The following KCNIP4 variants were observed in gnomAD, a reference collection of about 807,000 sequenced individuals.
KCNIP4 encodes the protein Kv channel-interacting protein 4.
Under a neutral mutation model 34.0 loss-of-function variants are expected in KCNIP4, and 12 were observed. The observed-to-expected ratio is 0.35, with a 90% CI of 0.23 to 0.57. KCNIP4 has a LOEUF of 0.57. Ranked by LOEUF, KCNIP4 falls within the 20% of genes least tolerant of loss-of-function variation. The pLI is 0.83. For missense variants in KCNIP4, 238 were observed against 311.7 expected (o/e 0.76, Z 1.78); for synonymous variants, 124 against 102.2 (o/e 1.21, Z -1.29).
intron 1 of KCNIP4, among the ~76,000 whole-genome samples, chr4:21,659,562 T>C (rs2108987144): frequency 6.6e-6 from 1 of 152,318 alleles, no homozygotes; most frequent in East Asian, 1.9e-4. Flanking sequence ...AAATACATTT[T>C]CTAAGCCACC....
intron 1 of KCNIP4, among the ~76,000 whole-genome samples, chr4:21,004,260 C>G (rs542742776): frequency 1.3e-5 from 2 of 152,226 alleles, no homozygotes; most frequent in African/African-American, 4.8e-5. Context: ...GAGGAAGACT[C>G]AAAAGATTTT....
At chr4:21,327,505 T>G (rs1053437927) in intron 1 of KCNIP4, among the ~76,000 whole-genome samples, 10 of 152,182 alleles carry the variant, frequency 6.6e-5, no homozygotes, top group Non-Finnish European at 1.5e-4. Context: ...GGAGTTTGAT[T>G]ATTAAATGTT....
At position 20,859,164 on chromosome 4, in the gene KCNIP4, A is replaced by G. The variant is rs373464937; in HGVS notation, c.164-8497T>C. On this transcript the variant is annotated intron_variant, in intron 2 of 8. Coordinates refer to ENST00000382152, the MANE Select transcript of KCNIP4 (RefSeq NM_025221.6). ...ACAAAGCTGTGCTGATAAGAAACAC[A>G]TGGTAGAATAAGGTACGAAGTGATG... Among the ~76,000 whole-genome samples, 17 of 152,300 alleles carry G rather than the reference A, an allele frequency of 1.1e-4. No homozygotes were observed. In the South Asian group the frequency reaches 2.7e-3, roughly 24 times the overall value.
chr4:20,744,367 C>T (rs904224269), intron 5 of KCNIP4, among the ~76,000 whole-genome samples: 2 of 152,098 alleles, frequency 1.3e-5, no homozygotes, highest in African/African-American at 4.8e-5. Context: ...CCCAAATGTC[C>T]ATCAATGATA....
chr4:21,416,096 T>G (rs1724933336), intron 1 of KCNIP4, among the ~76,000 whole-genome samples: 1 of 152,222 alleles, frequency 6.6e-6, no homozygotes, highest in African/African-American at 2.4e-5. Context: ...AGCAGTTGCT[T>G]TAGCTCCACA....
chr4:21,448,699 A>C (rs1044530020), intron 1 of KCNIP4, among the ~76,000 whole-genome samples: 1 of 152,242 alleles, frequency 6.6e-6, no homozygotes, highest in Non-Finnish European at 1.5e-5. Flanking sequence ...CAGAAGGCCA[A>C]GGGTATGGAG....
intron 1 of KCNIP4, among the ~76,000 whole-genome samples, chr4:21,452,931 C>T (rs931285173): frequency 6.6e-6 from 1 of 151,960 alleles, no homozygotes; most frequent in Non-Finnish European, 1.5e-5. Context: ...TAGTAATAAA[C>T]CTGTTTCATT....
Position 20,729,633 on chromosome 4 carries a change from AGC to A in KCNIP4, c.*447_*448del. 6.6e-6 allele frequency: 1 copy of A among 152,060 alleles called. No homozygotes were observed. The highest frequency in any genetic ancestry group is 2.4e-5 in the African/African-American group (1 of 41,174). 9.4% of individuals were successfully genotyped at this position (152,060 alleles called of 1,614,324 possible). Reference sequence around the variant, plus strand: ...ATAAATGGAATTTAAATGGAATTACAGCATTCAAACATGAAAATTAATTTAAT... The same window carrying A: ...ATAAATGGAATTTAAATGGAATTACAATTCAAACATGAAAATTAATTTAAT... On this transcript the variant is annotated 3_prime_UTR_variant, in exon 9 of 9. Transcript: ENST00000382152.
chr4:21,532,135 G>A (rs1370090918), intron 1 of KCNIP4, among the ~76,000 whole-genome samples: 1 of 152,104 alleles, frequency 6.6e-6, no homozygotes, highest in East Asian at 1.9e-4. Flanking sequence ...CGCTGTGATA[G>A]AGAAAAAGGA....
chr4:20,861,349 C>T (rs1722174402), intron 2 of KCNIP4, among the ~76,000 whole-genome samples: 2 of 152,266 alleles, frequency 1.3e-5, no homozygotes, highest in South Asian at 4.2e-4. Context: ...GAGTTATTTT[C>T]AGGTGCACAT....
At chr4:21,538,174 G>T (rs1737367575) in intron 1 of KCNIP4, among the ~76,000 whole-genome samples, 1 of 152,064 alleles carries the variant, frequency 6.6e-6, no homozygotes, top group Admixed American at 6.6e-5. Flanking sequence ...AGCTAGAAGA[G>T]ATAAGAAAGG....
intron 1 of KCNIP4, among the ~76,000 whole-genome samples, chr4:20,888,256 G>T (rs981870258): frequency 6.6e-6 from 1 of 152,098 alleles, no homozygotes; most frequent in Non-Finnish European, 1.5e-5. Context: ...AATTAAATCA[G>T]AAATTGTATT....
chr4:20,847,345 G>A (rs772750592), intron 3 of KCNIP4, among the ~76,000 whole-genome samples: 3 of 152,192 alleles, frequency 2.0e-5, no homozygotes, highest in Admixed American at 6.5e-5. Context: ...CTCAAAGTGT[G>A]GGCTCCAGAC....
chr4:21,436,644 T>A (rs1342485740), intron 1 of KCNIP4, among the ~76,000 whole-genome samples: 1 of 152,198 alleles, frequency 6.6e-6, no homozygotes, highest in Admixed American at 6.5e-5. Flanking sequence ...TGTGTAACTT[T>A]GAGCAAGTTA....
intron 1 of KCNIP4, among the ~76,000 whole-genome samples, chr4:21,063,715 CAA>C (rs1180025817): frequency 6.6e-6 from 1 of 151,726 alleles, no homozygotes; most frequent in African/African-American, 2.4e-5. Context: ...ACAAGAATAT[CAA>C]AGAGACTGGA....
chr4:21,844,498 CT>C (rs1306765331), intron 1 of KCNIP4: 1 of 152,060 alleles, frequency 6.6e-6, no homozygotes, highest in East Asian at 1.9e-4. Context: ...GCACTCTTTT[CT>C]TTGCCTCTCC....
At chr4:20,936,660 A>G (rs1731097705) in intron 1 of KCNIP4, among the ~76,000 whole-genome samples, 1 of 152,170 alleles carries the variant, frequency 6.6e-6, no homozygotes, top group Admixed American at 6.5e-5. Flanking sequence ...GTCTTCACTC[A>G]TCCCTTCATT....
chr4:21,159,634 G>T (rs1167681662), intron 1 of KCNIP4, among the ~76,000 whole-genome samples: 1 of 28,250 alleles, frequency 3.5e-5, no homozygotes, highest in Non-Finnish European at 6.6e-5. Context: ...GTCAAAGAAA[G>T]GGGTGACGGA....
chr4:20,818,472 G>A (rs926972706), intron 3 of KCNIP4, among the ~76,000 whole-genome samples: 1 of 152,198 alleles, frequency 6.6e-6, no homozygotes, highest in Non-Finnish European at 1.5e-5. Flanking sequence ...GGTATGTCTT[G>A]TCAGTGGACT....
Sources: gnomAD v4.1 joint callset for allele counts (sites outside exome capture counted in the v4.1 genomes callset) on GRCh38, gnomAD v4.1.1 for gene constraint, MANE v1.5 for transcripts, NCBI Gene and HGNC (gene_info 2026-07-23, HGNC 2026-07-21) for gene names.